The following VSTM2A variants were observed in gnomAD, a reference collection of about 807,000 sequenced individuals.
The protein encoded by VSTM2A is V-set and transmembrane domain-containing protein 2A.
A neutral mutation model predicts 27.3 loss-of-function variants in VSTM2A; 13 were observed. That is an observed-to-expected ratio of 0.48 (90% confidence interval 0.31 to 0.76). VSTM2A has a LOEUF of 0.76. VSTM2A is among the 30% of genes least tolerant of loss of function. The pLI, the probability that VSTM2A is intolerant of heterozygous loss-of-function variation, is 0.05. For synonymous variants in VSTM2A, 142 were observed against 125.7 expected (o/e 1.13, Z -0.87); for missense variants, 280 against 310.0 (o/e 0.90, Z 0.73).
At chr7:54,561,281 G>A (rs1445225536) in intron 4 of VSTM2A, among the ~76,000 whole-genome samples, 1 of 152,152 alleles carries the variant, frequency 6.6e-6, no homozygotes, top group Non-Finnish European at 1.5e-5. Context: ...AATGTTTAGG[G>A]ATAGAAAGTT....
chr7:54,548,337 G>A lies in VSTM2A; in HGVS notation c.297+1340G>A, dbSNP rs151006417. On this transcript the variant is annotated intron_variant, in intron 3 of 4. Coordinates refer to ENST00000402613, the MANE Select transcript of VSTM2A (RefSeq NM_001301009.2). ...GAAGAGAGTTTTAGACACAAACTGA[G>A]GCAGAAAGTAGTTTGTTCCCTGTTT... Among the ~76,000 whole-genome samples, 257 of 151,982 alleles carry A rather than the reference G, an allele frequency of 1.7e-3. 1 individual carries two copies. The highest frequency in any genetic ancestry group is 5.6e-3 in the African/African-American group (232 of 41,296).
intron 4 of VSTM2A, chr7:54,560,096 C>T (rs563853420): frequency 4.1e-4 from 62 of 151,946 alleles, no homozygotes; most frequent in African/African-American, 1.4e-3. Flanking sequence ...AAATGGTAAA[C>T]AGTTGTCTCA....
intron 4 of VSTM2A, among the ~76,000 whole-genome samples, chr7:54,561,993 C>G (rs1372742847): frequency 6.6e-6 from 1 of 151,972 alleles, no homozygotes; most frequent in Non-Finnish European, 1.5e-5. Context: ...GGCGTGATCT[C>G]GGCTCACTGC....
At chr7:54,549,408 T>G (rs75343128) in intron 3 of VSTM2A, among the ~76,000 whole-genome samples, 1,828 of 152,340 alleles carry the variant, frequency 0.012, 21 homozygotes, top group Non-Finnish European at 0.019. Flanking sequence ...AATATTTTTG[T>G]GATGTCTCAG....
Position 54,544,745 on chromosome 7 carries a change from G to C in VSTM2A, c.203G>C (p.Gly68Ala). 3.1e-6 allele frequency: 5 copies of C among 1,612,372 alleles called. No homozygotes were observed. The highest frequency in any genetic ancestry group is 4.2e-6 in the Non-Finnish European group (5 of 1,179,708). The change falls in exon 2 of 5, where the codon GGG becomes GCG. Residue 68 changes from glycine (G) to alanine (A), a missense_variant. Physicochemically the swap from Gly to Ala is moderately conservative, Grantham distance 60. Transcript: ENST00000402613. ...YLEIQWWFLR[G>A]PEDLDPGAEG... Reference sequence around the variant, plus strand: ...GAGATCCAATGGTGGTTCCTGCGGGGGCCGGAGGACCTGGATCCCGGGGCC... The same window carrying C: ...GAGATCCAATGGTGGTTCCTGCGGGCGCCGGAGGACCTGGATCCCGGGGCC...
chr7:54,567,964 T>G (rs1019330007), intron 4 of VSTM2A, among the ~76,000 whole-genome samples: 1 of 152,150 alleles, frequency 6.6e-6, no homozygotes, highest in Middle Eastern at 3.2e-3. Context: ...TCACCCAGCT[T>G]GAATAGAGGA....
At chr7:54,542,877 A>G in intron 1 of VSTM2A, 68 bp downstream of exon 1, 1 of 1,429,632 alleles carries the variant, frequency 7.0e-7, no homozygotes, top group Non-Finnish European at 9.8e-7. Flanking sequence ...CTCAAAAAGA[A>G]TGGACAGGCA....
At chr7:54,568,767 C>G (rs1788801470) in intron 4 of VSTM2A, among the ~76,000 whole-genome samples, 1 of 152,148 alleles carries the variant, frequency 6.6e-6, no homozygotes, top group South Asian at 2.1e-4. Context: ...GGATTTGCCC[C>G]TCTCAGTGTT....
chr7:54,570,987 C>G lies in VSTM2A; in HGVS notation c.*1768C>G, dbSNP rs1057205461. 1 of 152,160 alleles carries G rather than the reference C, an allele frequency of 6.6e-6. No homozygotes were observed. The highest frequency in any genetic ancestry group is 1.5e-5 in the Non-Finnish European group (1 of 68,004). The allele number at this position is 152,160 out of a possible 1,614,324, so 9.4% of individuals were successfully genotyped here. A position where few individuals can be genotyped will look rare whatever the true frequency, so the allele number is the denominator to read the frequency against. ...TGAGAAATAATACTTCATGCTAAAT[C>G]TTTTACTGCCACTTTTCTCATTCAT... On this transcript the variant is annotated 3_prime_UTR_variant, in exon 5 of 5. Coordinates refer to ENST00000402613, the MANE Select transcript of VSTM2A (RefSeq NM_001301009.2).
At chr7:54,560,335 T>C (rs541844621) in intron 4 of VSTM2A, among the ~76,000 whole-genome samples, 271 of 151,972 alleles carry the variant, frequency 1.8e-3, no homozygotes, top group Non-Finnish European at 3.2e-3. Flanking sequence ...TCCTGGAGGC[T>C]GGGTGGAGAA....
At position 54,550,021 on chromosome 7, in the gene VSTM2A, C is replaced by T. The variant is rs150812293; in HGVS notation, c.485C>T (p.Ala162Val). ...GCCCGCAGAATGCAGGCCTTCGAAG[C>T]CTCGCCCATGTGGCTGCAGGATATG... ...SHARRMQAFE[A>V]SPMWLQDMKP... Residue 162 changes from alanine to valine, a missense_variant, in exon 4 of 5, where the codon GCC becomes GTC. Physicochemically the swap from Ala to Val is moderately conservative, Grantham distance 64. Transcript: ENST00000402613. 5 of 1,611,558 alleles carry T rather than the reference C, an allele frequency of 3.1e-6. No homozygotes were observed. The Admixed American group carries it at 6.7e-5, about 22-fold the overall frequency.
At chr7:54,565,540 T>C (rs1368772297) in intron 4 of VSTM2A, among the ~76,000 whole-genome samples, 1 of 152,170 alleles carries the variant, frequency 6.6e-6, no homozygotes, top group Non-Finnish European at 1.5e-5. Context: ...CACTTCTACC[T>C]GGCAGACATA....
intron 4 of VSTM2A, among the ~76,000 whole-genome samples, chr7:54,555,566 T>C (rs1022844973): frequency 4.6e-5 from 7 of 152,238 alleles, no homozygotes; most frequent in African/African-American, 1.7e-4. Context: ...CATCAAGTTC[T>C]CAGCAATTTG....
chr7:54,566,062 C>CG (rs1562716043), intron 4 of VSTM2A, among the ~76,000 whole-genome samples: 1 of 152,132 alleles, frequency 6.6e-6, no homozygotes. Context: ...CTTACAAAGA[C>CG]GGGGGAATTA....
At chr7:54,546,626 C>A (rs1331050257) in intron 2 of VSTM2A, 1 of 266,264 alleles carries the variant, frequency 3.8e-6, no homozygotes, top group Non-Finnish European at 7.0e-6. Flanking sequence ...GAAAAAGACC[C>A]GGCGGCTCCC....
intron 4 of VSTM2A, among the ~76,000 whole-genome samples, chr7:54,560,654 G>A (rs1788529826): frequency 6.6e-6 from 1 of 151,970 alleles, no homozygotes; most frequent in South Asian, 2.1e-4. Flanking sequence ...GAATCCTATA[G>A]GTATAAAACA....
At chr7:54,555,736 A>G (rs534032248) in intron 4 of VSTM2A, among the ~76,000 whole-genome samples, 8 of 152,330 alleles carry the variant, frequency 5.3e-5, no homozygotes, top group Admixed American at 1.3e-4. Context: ...TGTTTCTGCA[A>G]TTCCTCTATG....
chr7:54,545,183 G>C (rs568278830), intron 2 of VSTM2A, among the ~76,000 whole-genome samples: 2 of 151,768 alleles, frequency 1.3e-5, no homozygotes, highest in South Asian at 2.1e-4. Flanking sequence ...CTCCCTTCTC[G>C]GGGCACCAGG....
In VSTM2A at chr7:54,544,804, G is replaced by A; in HGVS notation, c.246+16G>A. 6.3e-7 allele frequency: 1 copy of A among 1,584,652 alleles called. No homozygotes were observed. Among genetic ancestry groups the A allele is most frequent in the Non-Finnish European group, 8.6e-7 (1 of 1,165,732 alleles). On this transcript the variant is annotated intron_variant, in intron 2 of 4. Coordinates refer to ENST00000402613, the MANE Select transcript of VSTM2A (RefSeq NM_001301009.2). ...CGGCGCGCAGGTAGCGGAGCCCGCC[G>A]ACCCCGCGTCTCCCCTTCGCTCGCC...
Sources: gnomAD v4.1 joint callset for allele counts (sites outside exome capture counted in the v4.1 genomes callset) on GRCh38, gnomAD v4.1.1 for gene constraint, MANE v1.5 for transcripts, NCBI Gene and HGNC (gene_info 2026-07-23, HGNC 2026-07-21) for gene names.